The following CCDC141 variants were observed in gnomAD, a reference collection of about 807,000 sequenced individuals.
CCDC141 encodes coiled-coil domain-containing protein 141.
In CCDC141, 168 loss-of-function variants were observed where a neutral mutation model predicts 181.0. That is an observed-to-expected ratio of 0.93 (90% CI 0.82 to 1.05). The LOEUF is 1.05. CCDC141 is among the 50% of genes least tolerant of loss of function. CCDC141 has a pLI of 0.00. For missense variants in CCDC141, 1,902 were observed against 1,788.5 expected (o/e 1.06, Z -1.14); for synonymous variants, 666 against 642.3 (o/e 1.04, Z -0.56).
intron 2 of CCDC141, among the ~76,000 whole-genome samples, chr2:179,009,053 C>G (rs2042190664): frequency 1.3e-5 from 2 of 152,200 alleles, no homozygotes; most frequent in South Asian, 4.2e-4. Context: ...TACAAAACTA[C>G]TTACTGCTCT....
chr2:179,048,610 C>A (rs2043576712), intron 1 of CCDC141, among the ~76,000 whole-genome samples: 1 of 152,202 alleles, frequency 6.6e-6, no homozygotes, highest in African/African-American at 2.4e-5. Context: ...TTGCTGAAAT[C>A]TGCAGTTAAC....
At chr2:178,860,871 T>C (rs13001772) in intron 17 of CCDC141, among the ~76,000 whole-genome samples, 1 of 152,188 alleles carries the variant, frequency 6.6e-6, no homozygotes, top group Admixed American at 6.5e-5. Flanking sequence ...GCATGTTTTG[T>C]GTCTTCATAA....
chr2:178,985,138 A>C (rs952673257), intron 2 of CCDC141, among the ~76,000 whole-genome samples: 1 of 151,498 alleles, frequency 6.6e-6, no homozygotes, highest in Non-Finnish European at 1.5e-5. Flanking sequence ...AGTGCAATCG[A>C]ACTAGAACTC....
intron 21 of CCDC141, 138 bp from the exon 22 acceptor site, chr2:178,845,880 A>G: frequency 1.5e-6 from 1 of 659,068 alleles, no homozygotes. Context: ...GTGTACTCCC[A>G]TGATGTGATT....
intron 22 of CCDC141, among the ~76,000 whole-genome samples, chr2:178,844,113 T>A (rs1480990733): frequency 6.6e-6 from 1 of 152,244 alleles, no homozygotes; most frequent in Non-Finnish European, 1.5e-5. Context: ...AAGTATAAAT[T>A]ATTTTTGTTT....
chr2:178,949,001 G>A (rs934083427), intron 5 of CCDC141, among the ~76,000 whole-genome samples: 7 of 152,150 alleles, frequency 4.6e-5, no homozygotes, highest in Admixed American at 6.5e-5. Context: ...GATAGCTTTC[G>A]GGAAAGCAGA....
chr2:178,876,660 A>G (rs1397208139), intron 12 of CCDC141: 2 of 152,186 alleles, frequency 1.3e-5, no homozygotes, highest in East Asian at 3.8e-4. Flanking sequence ...ATGAACTGGA[A>G]TGCCAATCTG....
intron 2 of CCDC141, among the ~76,000 whole-genome samples, chr2:179,011,425 A>T (rs954337146): frequency 6.6e-6 from 1 of 152,156 alleles, no homozygotes; most frequent in Non-Finnish European, 1.5e-5. Context: ...AAAATATCAC[A>T]ATTCTAAACA....
intron 2 of CCDC141, among the ~76,000 whole-genome samples, chr2:179,011,864 G>A (rs1374519099): frequency 6.6e-6 from 1 of 152,120 alleles, no homozygotes; most frequent in East Asian, 1.9e-4. Context: ...ATAATCTCCT[G>A]AATGAGTACT....
At position 178,877,951 on chromosome 2, in the gene CCDC141, A is replaced by G; in HGVS notation, c.1899+13T>C. The G allele has an allele frequency of 6.2e-7, 1 of 1,606,880 alleles. No individual in the cohort carries two copies. Among genetic ancestry groups the G allele is most frequent in the Non-Finnish European group, 8.5e-7 (1 of 1,173,650 alleles). ...CCCTGCAGAAGGTGTGATCCATTTA[A>G]TGCCATTCTTACCATATTTATTAAA... On this transcript the variant is annotated intron_variant, in intron 12 of 23. Coordinates refer to ENST00000443758, the MANE Select transcript of CCDC141 (RefSeq NM_173648.4).
intron 17 of CCDC141, among the ~76,000 whole-genome samples, chr2:178,860,543 CTTTTTTTTTTT>C (rs71023458): frequency 0.033 from 1,687 of 51,404 alleles, 29 homozygotes; most frequent in Admixed American, 0.054. Context: ...AAAAACAACA[CTTTTTTTTTTT>C]TTTTTTTTTT....
the CCDC141 span, among the ~76,000 whole-genome samples, chr2:178,822,230 G>T: frequency 6.6e-6 from 1 of 151,742 alleles, no homozygotes; most frequent in Non-Finnish European, 1.5e-5. Context: ...ACACAGGAAG[G>T]GGAACATCAC....
intron 17 of CCDC141, among the ~76,000 whole-genome samples, chr2:178,856,804 C>T (rs745820259): frequency 6.6e-6 from 1 of 152,074 alleles, no homozygotes. Flanking sequence ...AGACTGGTCT[C>T]GAACTCCTGG....
chr2:179,005,638 T>C (rs2042103474), intron 2 of CCDC141, among the ~76,000 whole-genome samples: 1 of 152,158 alleles, frequency 6.6e-6, no homozygotes, highest in African/African-American at 2.4e-5. Flanking sequence ...CTTTCTTTTC[T>C]TTTCTTTTCT....
intron 17 of CCDC141, among the ~76,000 whole-genome samples, chr2:178,862,143 A>G (rs1314919435): frequency 6.6e-6 from 1 of 152,250 alleles, no homozygotes; most frequent in Non-Finnish European, 1.5e-5. Context: ...ATTCGAATTG[A>G]AAAAAGAATT....
intron 5 of CCDC141, among the ~76,000 whole-genome samples, chr2:178,954,591 T>A (rs1278658575): frequency 6.6e-6 from 1 of 152,192 alleles, no homozygotes; most frequent in Non-Finnish European, 1.5e-5. Flanking sequence ...GCCACAGCAC[T>A]TAGAAACAGA....
At chr2:178,859,423 TCTAACTTTAG>T (rs1182211735) in intron 17 of CCDC141, among the ~76,000 whole-genome samples, 3 of 152,142 alleles carry the variant, frequency 2.0e-5, no homozygotes, top group African/African-American at 7.2e-5. Context: ...CACAGCTGTT[TCTAACTTTAG>T]TCAACTTGTC....
rs557705257 is a variant in CCDC141, at chr2:178,974,553, A to T, written c.526+504T>A. On this transcript the variant is annotated intron_variant, in intron 4 of 23. Transcript: ENST00000443758. ...GAGGGAACTGAAAATCTTTTTGTAG[A>T]GTGTTTTATTAGATTTTCATCTGGA... 5.3e-5 allele frequency among the ~76,000 whole-genome samples: 8 copies of T among 152,238 alleles called. No homozygotes were observed. In the South Asian group the frequency reaches 1.7e-3, roughly 32 times the overall value.
At chr2:178,834,819 A>G (rs1034670464) in intron 23 of CCDC141, among the ~76,000 whole-genome samples, 1 of 151,394 alleles carries the variant, frequency 6.6e-6, no homozygotes, top group African/African-American at 2.4e-5. Flanking sequence ...GTTTCAAGCA[A>G]TCTGCCTGCC....
Sources: allele counts gnomAD v4.1 joint callset (sites outside exome capture counted in the v4.1 genomes callset), GRCh38; gene constraint gnomAD v4.1.1; transcripts MANE v1.5; gene names NCBI Gene and HGNC (gene_info 2026-07-23, HGNC 2026-07-21).